Variants in TAS2R1 observed in about 807,000 individuals in gnomAD.
The protein encoded by TAS2R1 is taste receptor type 2 member 1.
For missense variants in TAS2R1, 370 were observed against 353.4 expected, an observed-to-expected ratio of 1.05 and a Z score of -0.38; for synonymous variants, 141 against 134.2, an observed-to-expected ratio of 1.05 and a Z score of -0.35.
chr5:9,642,672 C>A (rs1740110467), intron 2 of TAS2R1, among the ~76,000 whole-genome samples: 1 of 152,112 alleles, frequency 6.6e-6, no homozygotes, highest in South Asian at 2.1e-4. Context: ...TATTTCTGTG[C>A]TTTTTCTTAC....
the TAS2R1 span, among the ~76,000 whole-genome samples, chr5:9,900,618 G>GTTTTTTTT: frequency 8.4e-4 from 101 of 119,926 alleles, no homozygotes; most frequent in African/African-American, 1.6e-3. Flanking sequence ...TGCTCAAATG[G>GTTTTTTTT]TTTTTTTTTT....
upstream of TAS2R1, among the ~76,000 whole-genome samples, chr5:9,714,731 T>G (rs1209353690): frequency 6.6e-6 from 1 of 152,232 alleles, no homozygotes; most frequent in East Asian, 1.9e-4. Context: ...AAATTGAGAA[T>G]GGAAGAAAAG....
the TAS2R1 span, among the ~76,000 whole-genome samples, chr5:9,728,896 G>A: frequency 2.0e-5 from 3 of 152,200 alleles, no homozygotes; most frequent in Non-Finnish European, 4.4e-5. Flanking sequence ...GCGCAGTTAG[G>A]ATAGGCTCTC....
chr5:9,718,647 T>A, the TAS2R1 span, among the ~76,000 whole-genome samples: 7 of 151,378 alleles, frequency 4.6e-5, no homozygotes, highest in East Asian at 1.9e-4. Flanking sequence ...ACAAAACAAA[T>A]CAAATCAGGC....
At chr5:9,758,387 C>G in the TAS2R1 span, among the ~76,000 whole-genome samples, 2 of 152,128 alleles carry the variant, frequency 1.3e-5, no homozygotes, top group Non-Finnish European at 2.9e-5. Flanking sequence ...ACAGCAACTG[C>G]CCCAGGTCAA....
the TAS2R1 span, among the ~76,000 whole-genome samples, chr5:9,723,242 T>C: frequency 1.3e-5 from 2 of 152,182 alleles, no homozygotes; most frequent in African/African-American, 4.8e-5. Context: ...ACTGGGCCTG[T>C]TCTCTGTCAA....
At chr5:9,900,863 T>C in the TAS2R1 span, among the ~76,000 whole-genome samples, 9 of 152,090 alleles carry the variant, frequency 5.9e-5, no homozygotes, top group South Asian at 4.2e-4. Flanking sequence ...GACCTCGTGA[T>C]CCGCCCGCCT....
chr5:9,869,912 G>A, the TAS2R1 span, among the ~76,000 whole-genome samples: 229 of 152,282 alleles, frequency 1.5e-3, 5 homozygotes, highest in East Asian at 0.037. Context: ...CAACTAGAGT[G>A]GAGAAAATAA....
chr5:9,744,778 C>A, the TAS2R1 span, among the ~76,000 whole-genome samples: 13 of 152,044 alleles, frequency 8.6e-5, no homozygotes, highest in African/African-American at 2.9e-4. Flanking sequence ...TTATTCTTAA[C>A]CTAGAAAATG....
At chr5:9,809,640 G>A in the TAS2R1 span, among the ~76,000 whole-genome samples, 1 of 152,150 alleles carries the variant, frequency 6.6e-6, no homozygotes, top group East Asian at 1.9e-4. Context: ...TTTTCTTGTA[G>A]CAGAATGAAC....
chr5:9,760,417 G>C, the TAS2R1 span, among the ~76,000 whole-genome samples: 8 of 152,110 alleles, frequency 5.3e-5, no homozygotes, highest in South Asian at 2.1e-4. Flanking sequence ...ACGAACATTT[G>C]TCATGTACAC....
At chr5:9,790,691 T>C in the TAS2R1 span, among the ~76,000 whole-genome samples, 2 of 152,168 alleles carry the variant, frequency 1.3e-5, no homozygotes. Context: ...TGCAGTGGTG[T>C]AATCTCGGCT....
the TAS2R1 span, among the ~76,000 whole-genome samples, chr5:9,857,412 C>T: frequency 6.6e-6 from 1 of 151,980 alleles, no homozygotes; most frequent in South Asian, 2.1e-4. Flanking sequence ...GGCAATGTAA[C>T]CCAAAAATGT....
the TAS2R1 span, among the ~76,000 whole-genome samples, chr5:9,747,130 G>T: frequency 6.6e-6 from 1 of 152,138 alleles, no homozygotes. Flanking sequence ...CCAGATGGTG[G>T]ATATTAACCA....
chr5:9,777,846 C>T, the TAS2R1 span, among the ~76,000 whole-genome samples: 1 of 151,818 alleles, frequency 6.6e-6, no homozygotes, highest in Non-Finnish European at 1.5e-5. Flanking sequence ...TACATCTCCA[C>T]ATCTCCATCA....
At chr5:9,899,656 T>G in the TAS2R1 span, among the ~76,000 whole-genome samples, 1 of 145,814 alleles carries the variant, frequency 6.9e-6, no homozygotes, top group South Asian at 2.2e-4. Flanking sequence ...AAAAAATAGC[T>G]AAAGGTGAAA....
At chr5:9,804,483 A>AT in the TAS2R1 span, among the ~76,000 whole-genome samples, 2 of 152,118 alleles carry the variant, frequency 1.3e-5, no homozygotes, top group Non-Finnish European at 2.9e-5. Context: ...AAGATAGACC[A>AT]TATGATAGGC....
chr5:9,830,607 A>ACG, the TAS2R1 span, among the ~76,000 whole-genome samples: 263 of 30,956 alleles, frequency 8.5e-3, no homozygotes, highest in African/African-American at 0.016. Context: ...GTGCGCGCGC[A>ACG]CACACACACA....
the TAS2R1 span, among the ~76,000 whole-genome samples, chr5:9,887,834 G>A: frequency 2.6e-5 from 4 of 152,190 alleles, no homozygotes; most frequent in Non-Finnish European, 4.4e-5. Flanking sequence ...GTAAGAAAGC[G>A]AGGGGTCAAT....
Sources: allele counts gnomAD v4.1 joint callset (sites outside exome capture counted in the v4.1 genomes callset), GRCh38; gene constraint gnomAD v4.1.1; transcripts MANE v1.5; gene names NCBI Gene and HGNC (gene_info 2026-07-23, HGNC 2026-07-21).